CCER1: variants seen among roughly 807,000 people sequenced by gnomAD.
The protein encoded by CCER1 is coiled-coil domain-containing glutamate-rich protein 1.
For synonymous variants in CCER1, 246 were observed against 213.8 expected, an observed-to-expected ratio of 1.15 and a Z score of -1.31; for missense variants, 573 against 524.5, an observed-to-expected ratio of 1.09 and a Z score of -0.90.
rs377490423 is a variant in CCER1, at chr12:90,955,086, G to A, written c.-344C>T. On this transcript the variant is annotated 5_prime_UTR_variant, in exon 1 of 1. Coordinates refer to ENST00000358859, the MANE Select transcript of CCER1 (RefSeq NM_152638.4). ...ACCACACCCGGCTCTGCTGAGGCACGGGCTGGGGCCGGGGGAGGCAGGGGT... is the reference window on the plus strand; with the variant it reads ...ACCACACCCGGCTCTGCTGAGGCACAGGCTGGGGCCGGGGGAGGCAGGGGT... 31 of 381,412 alleles carry A rather than the reference G, an allele frequency of 8.1e-5. No homozygotes were observed. Among genetic ancestry groups the A allele is most frequent in the African/African-American group, 5.6e-4 (27 of 48,338 alleles). The allele number at this position is 381,412 out of a possible 1,614,324, so 23.6% of individuals were successfully genotyped here.
Position 90,954,567 on chromosome 12 carries a change from T to G in CCER1, c.176A>C (p.Glu59Ala). 6.2e-7 allele frequency: 1 copy of G among 1,613,918 alleles called. No individual in the cohort carries two copies. The highest frequency in any genetic ancestry group is 8.5e-7 in the Non-Finnish European group (1 of 1,179,930). Residue 59 changes from glutamate (E) to alanine (A), a missense_variant, in exon 1 of 1, where the codon GAG (glutamate) becomes GCG (alanine). Coordinates refer to ENST00000358859, the MANE Select transcript of CCER1 (RefSeq NM_152638.4). The part of the protein sequence containing the change: ...NRPHRYSPKT[E>A]YGPPRKQPKQ... ...CGGCTGCTTCCTTGGGGGCCCATAC[T>G]CGGTCTTGGGGCTATATCGGTGCGG... is the stretch of plus-strand genomic sequence containing the variant.
At position 90,952,575 on chromosome 12, in the gene CCER1, T is replaced by A. The variant is rs568000382; in HGVS notation, c.*947A>T. The A allele has an allele frequency of 4.6e-5, 7 of 152,224 alleles. No homozygotes were observed. The highest frequency in any genetic ancestry group is 8.8e-5 in the Non-Finnish European group (6 of 68,036). 9.4% of individuals were successfully genotyped at this position (152,224 alleles called of 1,614,324 possible). A position where few individuals can be genotyped will look rare whatever the true frequency, so the allele number is the denominator to read the frequency against. On this transcript the variant is annotated 3_prime_UTR_variant, in exon 1 of 1. Coordinates refer to ENST00000358859, the MANE Select transcript of CCER1 (RefSeq NM_152638.4). The stretch of plus-strand genomic sequence containing the variant: ...GCTCACACAGACTCACACTTACACA[T>A]CTTTGTTTTACTCTTCTTTATAACA...
chr12:90,954,096 G>T lies in CCER1; in HGVS notation c.647C>A (p.Ala216Glu), dbSNP rs766710321. 6.2e-7 allele frequency: 1 copy of T among 1,613,204 alleles called. No individual in the cohort carries two copies. Among genetic ancestry groups the T allele is most frequent in the East Asian group, 2.2e-5 (1 of 44,866 alleles). The change falls in exon 1 of 1, where the codon GCG (alanine) becomes GAG (glutamate). Residue 216 changes from alanine (A) to glutamate (E), a missense_variant. By Grantham distance (107) the Ala-to-Glu change is moderately radical (BLOSUM62 -1). Transcript: ENST00000358859. ...KVERQQEALRAQKATVSGEAS... is the reference protein window; with the variant it reads ...KVERQQEALREQKATVSGEAS... ...CTCGCCGCTCACCGTGGCCTTCTGC[G>T]CCCGCAGCGCCTCCTGCTGACGCTC...
chr12:90,954,172 G>T lies in CCER1; in HGVS notation c.571C>A (p.Gln191Lys). 1 of 1,610,602 alleles carries T rather than the reference G, an allele frequency of 6.2e-7. No homozygotes were observed. The highest frequency in any genetic ancestry group is 8.5e-7 in the Non-Finnish European group (1 of 1,179,946). Residue 191 changes from glutamine (Q) to lysine (K), a missense_variant, in exon 1 of 1, where the codon CAA becomes AAA. Coordinates refer to ENST00000358859, the MANE Select transcript of CCER1 (RefSeq NM_152638.4). ...TCGTAGATCTGGTTCATGATGAATTGGGTGGTGTTGGGCGGCGCTCGCATG... is the reference window on the plus strand; with the variant it reads ...TCGTAGATCTGGTTCATGATGAATTTGGTGGTGTTGGGCGGCGCTCGCATG... ...PGMRAPPNTT[Q>K]FIMNQIYEDM...
chr12:90,953,972 G>C lies in CCER1; in HGVS notation c.771C>G (p.Pro257=). The change falls in exon 1 of 1, where the codon CCC becomes CCG. Residue 257 remains proline, a synonymous_variant. Transcript: ENST00000358859. ...QETLYGFVQN[P]SLAFSPNPEE... The stretch of plus-strand genomic sequence containing the variant: ...CTGGGTTGGGACTGAATGCTAGAGA[G>C]GGATTCTGCACAAAGCCATACAGAG... 1.2e-6 allele frequency: 2 copies of C among 1,614,224 alleles called. No individual in the cohort carries two copies. The highest frequency in any genetic ancestry group is 1.7e-6 in the Non-Finnish European group (2 of 1,180,040).
chr12:90,954,760 G>A lies in CCER1; in HGVS notation c.-18C>T, dbSNP rs754030690. On this transcript the variant is annotated 5_prime_UTR_variant, in exon 1 of 1. Coordinates refer to ENST00000358859, the MANE Select transcript of CCER1 (RefSeq NM_152638.4). ...TGAGTCATGGTTCAGGGAGCTCCGA[G>A]AGGTCCAGATGGTAGCGACCTGAAG... is the stretch of plus-strand genomic sequence containing the variant. 31 of 1,542,224 alleles carry A rather than the reference G, an allele frequency of 2.0e-5. No individual in the cohort carries two copies. In the South Asian group the frequency reaches 3.3e-4, roughly 16 times the overall value.
Position 90,954,110 on chromosome 12 carries a change from C to T in CCER1, c.633G>A (p.Gln211=), listed in dbSNP as rs1468762604. The change falls in exon 1 of 1, where the codon CAG becomes CAA. Residue 211 remains glutamine (Q), a synonymous_variant. Coordinates refer to ENST00000358859, the MANE Select transcript of CCER1 (RefSeq NM_152638.4). ...TGGCCTTCTGCGCCCGCAGCGCCTC[C>T]TGCTGACGCTCCACCTTCTCCTGCT... ...MRQQEKVERQ[Q]EALRAQKATV... is the part of the protein sequence containing the mutation. 6.2e-7 allele frequency: 1 copy of T among 1,612,850 alleles called. No individual in the cohort carries two copies. The highest frequency in any genetic ancestry group is 8.5e-7 in the Non-Finnish European group (1 of 1,179,968).
rs1168699007 is a variant in CCER1, at chr12:90,953,531, A to G, written c.1212T>C (p.Phe404=). 3 of 1,611,146 alleles carry G rather than the reference A, an allele frequency of 1.9e-6. No homozygotes were observed. The highest frequency in any genetic ancestry group is 1.3e-5 in the African/African-American group (1 of 74,838). ...PQESLFMAQD[F]NC ...ATCCCTTTTCTGATGTCTAACAGTT[A>G]AAGTCCTGTGCCATGAACAGGGATT... Residue 404 remains phenylalanine, a synonymous_variant, in exon 1 of 1, where the codon TTT becomes TTC. Transcript: ENST00000358859.
chr12:90,953,996 A>AGTTTCCTGCAGTCCCCAG lies in CCER1; in HGVS notation c.729_746dup (p.Trp244_Thr249dup). Reference sequence around the variant, plus strand: ...AGGGATTCTGCACAAAGCCATACAGAGTTTCCTGCAGTCCCCAGGTTTCCT... The same window carrying AGTTTCCTGCAGTCCCCAG: ...AGGGATTCTGCACAAAGCCATACAGAGTTTCCTGCAGTCCCCAGGTTTCCTGCAGTCCCCAGGTTTCCT... On this transcript the variant is annotated inframe_insertion, in exon 1 of 1. Coordinates refer to ENST00000358859, the MANE Select transcript of CCER1 (RefSeq NM_152638.4). The AGTTTCCTGCAGTCCCCAG allele has an allele frequency of 3.1e-6, 5 of 1,614,138 alleles. No individual in the cohort carries two copies. The highest frequency in any genetic ancestry group is 4.2e-6 in the Non-Finnish European group (5 of 1,180,020).
In CCER1 at chr12:90,954,085, TG is replaced by T. The variant is rs1298952101; in HGVS notation, c.657del (p.Thr220ArgfsTer2). 1.9e-6 allele frequency: 3 copies of T among 1,613,498 alleles called. No homozygotes were observed. Among genetic ancestry groups the T allele is most frequent in the Non-Finnish European group, 2.5e-6 (3 of 1,180,012 alleles). On this transcript the variant is annotated frameshift_variant, in exon 1 of 1. Coordinates refer to ENST00000358859, the MANE Select transcript of CCER1 (RefSeq NM_152638.4). LOFTEE classifies it low-confidence loss of function (END_TRUNC). Reference sequence around the variant, plus strand: ...GCTGGGGAGGCCTCGCCGCTCACCGTGGCCTTCTGCGCCCGCAGCGCCTCCT... The same window carrying T: ...GCTGGGGAGGCCTCGCCGCTCACCGTGCCTTCTGCGCCCGCAGCGCCTCCT... The part of the protein sequence containing the change: ...RQQEALRAQK[A>X]TVSGEASPAR...
chr12:90,954,324 T>C lies in CCER1; in HGVS notation c.419A>G (p.Lys140Arg), dbSNP rs1876577416. 1 of 1,605,140 alleles carries C rather than the reference T, an allele frequency of 6.2e-7. No homozygotes were observed. The highest frequency in any genetic ancestry group is 1.7e-5 in the Admixed American group (1 of 59,740). The change falls in exon 1 of 1, where the codon AAG becomes AGG. Residue 140 changes from lysine (K) to arginine (R), a missense_variant. Physicochemically the swap from Lys to Arg is conservative, Grantham distance 26 (BLOSUM62 2). Transcript: ENST00000358859. Reference sequence around the variant, plus strand: ...GCGGCCTCTGCGGCCCCAGCGCTTCTTCCTGCCTGGGGGCTTCACCCAGCC... The same window carrying C: ...GCGGCCTCTGCGGCCCCAGCGCTTCCTCCTGCCTGGGGGCTTCACCCAGCC... ...NPGWVKPPGR[K>R]KRWGRRGRGL...
Position 90,954,531 on chromosome 12 carries a change from T to C in CCER1, c.212A>G (p.His71Arg), listed in dbSNP as rs1301281759. ...GPPRKQPKQQ[H>R]GPGFWFQPPV... ...TGGTTGGAACCAAAAGCCCGGGCCG[T>C]GCTGTTGCTTCGGCTGCTTCCTTGG... The change falls in exon 1 of 1, where the codon CAC becomes CGC. Residue 71 changes from histidine to arginine, a missense_variant. His to Arg is a conservative substitution (Grantham distance 29, BLOSUM62 0). Coordinates refer to ENST00000358859, the MANE Select transcript of CCER1 (RefSeq NM_152638.4). 4 of 1,613,294 alleles carry C rather than the reference T, an allele frequency of 2.5e-6. No homozygotes were observed. Among genetic ancestry groups the C allele is most frequent in the Non-Finnish European group, 3.4e-6 (4 of 1,179,392 alleles).
Position 90,954,269 on chromosome 12 carries a change from G to A in CCER1, c.474C>T (p.Tyr158=). Reference sequence around the variant, plus strand: ...TCACATCCGCTGGCGGGCTCCGCGGGTAGGAGTGGCGAGGGTGGTGGCGCA... The same window carrying A: ...TCACATCCGCTGGCGGGCTCCGCGGATAGGAGTGGCGAGGGTGGTGGCGCA... ...RGLRHHPRHS[Y]PRSPPADVST... The change falls in exon 1 of 1, where the codon TAC becomes TAT. Residue 158 remains tyrosine, a synonymous_variant. Transcript: ENST00000358859. The A allele has an allele frequency of 6.2e-7, 1 of 1,602,824 alleles. No individual in the cohort carries two copies. The highest frequency in any genetic ancestry group is 1.7e-4 in the Middle Eastern group (1 of 6,054).
Position 90,953,594 on chromosome 12 carries a change from A to T in CCER1, c.1149T>A (p.Phe383Leu). 6.2e-7 allele frequency: 1 copy of T among 1,614,168 alleles called. No individual in the cohort carries two copies. The highest frequency in any genetic ancestry group is 8.5e-7 in the Non-Finnish European group (1 of 1,180,018). The change falls in exon 1 of 1, where the codon TTT (phenylalanine) becomes TTA (leucine). Residue 383 changes from phenylalanine to leucine, a missense_variant. Coordinates refer to ENST00000358859, the MANE Select transcript of CCER1 (RefSeq NM_152638.4). ...EKRENFISCT[F>L]LNPEQIIPKV... Reference sequence around the variant, plus strand: ...TGGGAATTATCTGCTCTGGGTTTAAAAAAGTGCAGCTTATAAAGTTCTCTC... The same window carrying T: ...TGGGAATTATCTGCTCTGGGTTTAATAAAGTGCAGCTTATAAAGTTCTCTC...
chr12:90,954,335 G>A lies in CCER1; in HGVS notation c.408C>T (p.Pro136=), dbSNP rs906086902. The part of the protein sequence containing the change: ...SGSWNPGWVK[P]PGRKKRWGRR... ...GGCCCCAGCGCTTCTTCCTGCCTGG[G>A]GGCTTCACCCAGCCAGGGTTCCAGG... Residue 136 remains proline, a synonymous_variant, in exon 1 of 1, where the codon CCC becomes CCT. Coordinates refer to ENST00000358859, the MANE Select transcript of CCER1 (RefSeq NM_152638.4). 15 of 1,607,008 alleles carry A rather than the reference G, an allele frequency of 9.3e-6. No homozygotes were observed. Among genetic ancestry groups the A allele is most frequent in the Admixed American group, 3.3e-5 (2 of 59,888 alleles).
In CCER1 at chr12:90,952,612, A is replaced by G. The variant is rs1876502972; in HGVS notation, c.*910T>C. On this transcript the variant is annotated 3_prime_UTR_variant, in exon 1 of 1. Transcript: ENST00000358859. Reference sequence around the variant, plus strand: ...TCTTCTTTATAACAAAGACAAATTCAAAAACAAAATAAGATATTCCACCCC... The same window carrying G: ...TCTTCTTTATAACAAAGACAAATTCGAAAACAAAATAAGATATTCCACCCC... The G allele has an allele frequency of 2.0e-5, 3 of 152,318 alleles. No homozygotes were observed. The South Asian group carries it at 6.2e-4, about 32-fold the overall frequency. The allele number at this position is 152,318 out of a possible 1,614,324, so 9.4% of individuals were successfully genotyped here. A position where few individuals can be genotyped will look rare whatever the true frequency, so the allele number is the denominator to read the frequency against.
In CCER1 at chr12:90,953,278, G is replaced by A. The variant is rs955082591; in HGVS notation, c.*244C>T. The A allele has an allele frequency of 5.1e-6, 2 of 394,348 alleles. No individual in the cohort carries two copies. The highest frequency in any genetic ancestry group is 4.2e-5 in the Admixed American group (1 of 23,692). 24.4% of individuals were successfully genotyped at this position (394,348 alleles called of 1,614,324 possible). A position where few individuals can be genotyped will look rare whatever the true frequency, so the allele number is the denominator to read the frequency against. Reference sequence around the variant, plus strand: ...AAACACCAAATGAAAATATTCAAATGGTAGTAATAAAATACTTGGCCTTTA... The same window carrying A: ...AAACACCAAATGAAAATATTCAAATAGTAGTAATAAAATACTTGGCCTTTA... On this transcript the variant is annotated 3_prime_UTR_variant, in exon 1 of 1. Transcript: ENST00000358859.
Position 90,954,338 on chromosome 12 carries a change from C to A in CCER1, c.405G>T (p.Lys135Asn). 6.2e-7 allele frequency: 1 copy of A among 1,607,388 alleles called. No homozygotes were observed. The highest frequency in any genetic ancestry group is 8.5e-7 in the Non-Finnish European group (1 of 1,179,482). ...CCCAGCGCTTCTTCCTGCCTGGGGG[C>A]TTCACCCAGCCAGGGTTCCAGGACC... ...WSGSWNPGWV[K>N]PPGRKKRWGR... Residue 135 changes from lysine to asparagine, a missense_variant, in exon 1 of 1, where the codon AAG (lysine) becomes AAT (asparagine). Lys to Asn is a moderately conservative substitution (Grantham distance 94). Coordinates refer to ENST00000358859, the MANE Select transcript of CCER1 (RefSeq NM_152638.4).
In CCER1 at chr12:90,954,921, G is replaced by T. The variant is rs370481825; in HGVS notation, c.-179C>A. On this transcript the variant is annotated 5_prime_UTR_variant, in exon 1 of 1. Transcript: ENST00000358859. The stretch of plus-strand genomic sequence containing the variant: ...AGGCTGCTCTCTTCCTGGTTTGCAC[G>T]CTCTTCGGTAGTAATCGCTTGTCCT... 1 of 1,238,904 alleles carries T rather than the reference G, an allele frequency of 8.1e-7. No homozygotes were observed. The highest frequency in any genetic ancestry group is 1.1e-6 in the Non-Finnish European group (1 of 908,646). 76.7% of individuals were successfully genotyped at this position (1,238,904 alleles called of 1,614,324 possible).
Sources: gnomAD v4.1 joint callset for allele counts on GRCh38, gnomAD v4.1.1 for gene constraint, MANE v1.5 for transcripts, NCBI Gene and HGNC (gene_info 2026-07-23, HGNC 2026-07-21) for gene names.